TSPAN18: variants seen among roughly 807,000 people sequenced by gnomAD.
The protein encoded by TSPAN18 is tetraspanin-18.
A neutral mutation model predicts 27.3 loss-of-function variants in TSPAN18; 14 were observed. The observed-to-expected ratio is 0.51, with a 90% CI of 0.34 to 0.80. TSPAN18 has a LOEUF of 0.80. TSPAN18 is among the 30% of genes least tolerant of loss of function. The pLI, the probability that TSPAN18 is intolerant of heterozygous loss-of-function variation, is 0.01. For synonymous variants in TSPAN18, 143 were observed against 136.5 expected (o/e 1.05, Z -0.33); for missense variants, 268 against 323.9 (o/e 0.83, Z 1.32).
chr11:44,801,495 A>C (rs1487861490), intron 2 of TSPAN18, among the ~76,000 whole-genome samples: 1 of 152,224 alleles, frequency 6.6e-6, no homozygotes. Context: ...TACCTGTGGA[A>C]GGAAATAATA....
chr11:44,840,865 A>G (rs901826654), intron 2 of TSPAN18, among the ~76,000 whole-genome samples: 2 of 152,212 alleles, frequency 1.3e-5, no homozygotes, highest in Non-Finnish European at 2.9e-5. Context: ...GGTTACTGCT[A>G]TATGACCATG....
At chr11:44,889,955 G>A (rs1425574248) in intron 3 of TSPAN18, among the ~76,000 whole-genome samples, 1 of 152,212 alleles carries the variant, frequency 6.6e-6, no homozygotes, top group Non-Finnish European at 1.5e-5. Context: ...TGTTCTCCCT[G>A]TGACCCAGAA....
At chr11:44,776,896 G>A (rs1349482768) in intron 2 of TSPAN18, among the ~76,000 whole-genome samples, 1 of 152,196 alleles carries the variant, frequency 6.6e-6, no homozygotes, top group Non-Finnish European at 1.5e-5. Flanking sequence ...GTTTTAAAGG[G>A]ATTGGGTTTG....
chr11:44,886,203 T>C (rs897276997), intron 3 of TSPAN18: 1 of 152,218 alleles, frequency 6.6e-6, no homozygotes, highest in African/African-American at 2.4e-5. Context: ...TCCTTCATGC[T>C]GCACACGAGC....
At chr11:44,857,249 C>T (rs1857762501) in intron 2 of TSPAN18, among the ~76,000 whole-genome samples, 2 of 152,238 alleles carry the variant, frequency 1.3e-5, no homozygotes, top group South Asian at 4.1e-4. Flanking sequence ...TGTTGGTGGT[C>T]ACTGCACTTT....
At chr11:44,776,258 T>A (rs1565143986) in intron 2 of TSPAN18, among the ~76,000 whole-genome samples, 1 of 152,212 alleles carries the variant, frequency 6.6e-6, no homozygotes, top group Non-Finnish European at 1.5e-5. Context: ...ATGTAGAAAC[T>A]GAGGTCCACT....
intron 1 of TSPAN18, among the ~76,000 whole-genome samples, chr11:44,741,233 C>T (rs1453527988): frequency 3.3e-5 from 5 of 152,220 alleles, no homozygotes; most frequent in Non-Finnish European, 7.3e-5. Flanking sequence ...GGATGATATG[C>T]ATAACATTTC....
intron 2 of TSPAN18, among the ~76,000 whole-genome samples, chr11:44,857,495 T>C (rs1212634427): frequency 2.0e-5 from 3 of 152,222 alleles, no homozygotes; most frequent in Non-Finnish European, 4.4e-5. Context: ...ACACCAGACT[T>C]CATCTACAGG....
intron 2 of TSPAN18, among the ~76,000 whole-genome samples, chr11:44,854,204 G>GGT (rs201752662): frequency 0.026 from 3,625 of 137,534 alleles, 320 homozygotes; most frequent in African/African-American, 0.089. Context: ...AGGGGGTGGG[G>GGT]GGGGGGGTTT....
At chr11:44,854,918 A>G (rs1463858118) in intron 2 of TSPAN18, among the ~76,000 whole-genome samples, 1 of 152,216 alleles carries the variant, frequency 6.6e-6, no homozygotes, top group Non-Finnish European at 1.5e-5. Context: ...TTTAAATTCA[A>G]TACATATGAT....
intron 2 of TSPAN18, among the ~76,000 whole-genome samples, chr11:44,794,067 T>G (rs567926789): frequency 6.6e-6 from 1 of 152,160 alleles, no homozygotes; most frequent in African/African-American, 2.4e-5. Context: ...GATTGTGTTA[T>G]CCAGGAATCA....
At chr11:44,761,052 T>G (rs2134883948) in intron 1 of TSPAN18, among the ~76,000 whole-genome samples, 1 of 152,310 alleles carries the variant, frequency 6.6e-6, no homozygotes, top group South Asian at 2.1e-4. Flanking sequence ...TAGCCCTGTG[T>G]CATAGCTGAG....
At chr11:44,815,654 T>C (rs1856805436) in intron 2 of TSPAN18, among the ~76,000 whole-genome samples, 2 of 152,182 alleles carry the variant, frequency 1.3e-5, no homozygotes, top group Non-Finnish European at 2.9e-5. Context: ...GATAAATACA[T>C]ACATGCCTTA....
At chr11:44,771,893 A>T (rs2123454) in intron 2 of TSPAN18, among the ~76,000 whole-genome samples, 1 of 152,210 alleles carries the variant, frequency 6.6e-6, no homozygotes, top group Non-Finnish European at 1.5e-5. Flanking sequence ...GGATTCTAAG[A>T]GATGACTGTT....
chr11:44,897,647 C>T (rs1261893190), intron 3 of TSPAN18: 4 of 638,332 alleles, frequency 6.3e-6, no homozygotes, highest in Admixed American at 2.5e-5. Context: ...ACAGTTGCCC[C>T]GAGTGTGTGT....
intron 3 of TSPAN18, among the ~76,000 whole-genome samples, chr11:44,899,077 G>T (rs1859165916): frequency 6.6e-6 from 1 of 152,174 alleles, no homozygotes; most frequent in Non-Finnish European, 1.5e-5. Context: ...GACGTCACAT[G>T]GAAGGACAGG....
intron 2 of TSPAN18, among the ~76,000 whole-genome samples, chr11:44,822,156 C>T (rs905444395): frequency 9.2e-5 from 14 of 152,036 alleles, no homozygotes; most frequent in Admixed American, 2.0e-4. Flanking sequence ...GAGACAGGGC[C>T]AGGGATAGGA....
chr11:44,735,987 G>A (rs1220031511), intron 1 of TSPAN18, among the ~76,000 whole-genome samples: 2 of 152,102 alleles, frequency 1.3e-5, no homozygotes, highest in South Asian at 2.1e-4. Context: ...TCAACATATC[G>A]TTTTGGGGTA....
chr11:44,729,717 T>G (rs1854605253), intron 1 of TSPAN18, among the ~76,000 whole-genome samples: 1 of 152,098 alleles, frequency 6.6e-6, no homozygotes, highest in African/African-American at 2.4e-5. Context: ...TTAGGATACC[T>G]TGGGGTTGGG....
Sources: allele counts gnomAD v4.1 joint callset (sites outside exome capture counted in the v4.1 genomes callset), GRCh38; gene constraint gnomAD v4.1.1; transcripts MANE v1.5; gene names NCBI Gene and HGNC (gene_info 2026-07-23, HGNC 2026-07-21).